PLG: variants seen among roughly 807,000 people sequenced by gnomAD.
PLG encodes the protein plasminogen.
A neutral mutation model predicts 104.4 loss-of-function variants in PLG; 41 were observed. That is an observed-to-expected ratio of 0.39 (90% CI 0.31 to 0.51). The LOEUF (loss-of-function observed/expected upper bound fraction) is 0.51. Among genes scored for constraint, PLG ranks in the 20% least tolerant of loss-of-function variants. PLG has a pLI of 0.76. For missense variants in PLG, 891 were observed against 1,003.6 expected, an observed-to-expected ratio of 0.89 and a Z score of 1.52; for synonymous variants, 337 against 357.1, an observed-to-expected ratio of 0.94 and a Z score of 0.63.
rs992540894 is a variant in PLG, at chr6:160,718,967, T to C, written c.1096+129T>C. 5 of 818,014 alleles carry C rather than the reference T, an allele frequency of 6.1e-6. No individual in the cohort carries two copies. The African/African-American group carries it at 6.9e-5, about 11-fold the overall frequency. The allele number at this position is 818,014 out of a possible 1,614,324, so 50.7% of individuals were successfully genotyped here. ...ATTGTGGTCAGAAAGCCTGCCCTTA[T>C]GATTTCAGTTTTTTTAGATTTGTTG... On this transcript the variant is annotated intron_variant, in intron 9 of 18. Coordinates refer to ENST00000308192, the MANE Select transcript of PLG (RefSeq NM_000301.5).
chr6:160,741,053 A>G lies in PLG; in HGVS notation c.2019-258A>G, dbSNP rs185374645. The stretch of plus-strand genomic sequence containing the variant: ...TGAGAAGTGCGCCTTTGTCATCCCT[A>G]CTTTCAAAGGTGAAGGCCACCAGCA... On this transcript the variant is annotated intron_variant, in intron 16 of 18. Coordinates refer to ENST00000308192, the MANE Select transcript of PLG (RefSeq NM_000301.5). The surrounding 1 kb of genome is among the most constrained non-coding windows in gnomAD (Gnocchi z 4.7). 1.2e-3 allele frequency among the ~76,000 whole-genome samples: 188 copies of G among 152,296 alleles called. No individual in the cohort carries two copies. Among genetic ancestry groups the G allele is most frequent in the African/African-American group, 4.5e-3 (186 of 41,568 alleles).
intron 7 of PLG, among the ~76,000 whole-genome samples, chr6:160,717,387 T>C (rs1402558979): frequency 6.6e-6 from 1 of 152,242 alleles, no homozygotes; most frequent in Admixed American, 6.5e-5. Flanking sequence ...TGGCCTCCCC[T>C]CCTTTCCTCT....
intron 12 of PLG, 147 bp from the exon 13 acceptor site, chr6:160,733,846 GAA>G (rs10540264): frequency 6.3e-3 from 2,179 of 346,766 alleles, no homozygotes; most frequent in Middle Eastern, 0.013. Flanking sequence ...CTCCACCTCA[GAA>G]AAAAAAAAAA....
rs1313924049 is a variant in PLG, at chr6:160,739,282, G to A, written c.2018+74G>A. 4.5e-5 allele frequency: 72 copies of A among 1,592,630 alleles called. 1 individual carries two copies. The highest frequency in any genetic ancestry group is 7.8e-6 in the Non-Finnish European group (9 of 1,160,952). ...TTTATGTCTGGGTTTTATGGGCCAT[G>A]GCCACTGCATGGCAGTGGGGAGGAA... On this transcript the variant is annotated intron_variant, in intron 16 of 18. Coordinates refer to ENST00000308192, the MANE Select transcript of PLG (RefSeq NM_000301.5). The surrounding 1 kb of genome is among the most constrained non-coding windows in gnomAD (Gnocchi z 4.4).
chr6:160,705,805 A>G (rs1399409686), intron 1 of PLG: 4 of 152,878 alleles, frequency 2.6e-5, no homozygotes, highest in African/African-American at 9.7e-5. Flanking sequence ...ATCAACATCA[A>G]TCTTGGTAAC....
rs146910079 is a variant in PLG, at chr6:160,716,714, C to A, written c.738C>A (p.Phe246Leu). 2.2e-5 allele frequency: 36 copies of A among 1,613,360 alleles called. No homozygotes were observed. Among genetic ancestry groups the A allele is most frequent in the Non-Finnish European group, 2.7e-5 (32 of 1,179,410 alleles). Residue 246 changes from phenylalanine (F) to leucine (L), a missense_variant, in exon 7 of 19, where the codon TTC (phenylalanine) becomes TTA (leucine). Coordinates refer to ENST00000308192, the MANE Select transcript of PLG (RefSeq NM_000301.5). ...ATAGGGAGCTGCGGCCTTGGTGTTT[C>A]ACCACCGACCCCAACAAGCGCTGGG... ...NPDRELRPWC[F>L]TTDPNKRWEL...
At position 160,741,393 on chromosome 6, in the gene PLG, A is replaced by G. The variant is rs963203064; in HGVS notation, c.2101A>G (p.Ile701Val). The change falls in exon 17 of 19, where the codon ATC becomes GTC. Residue 701 changes from isoleucine to valine, a missense_variant. By Grantham distance (29) the Ile-to-Val change is conservative. Transcript: ENST00000308192. This position sits in a 1 kb window ranked among gnomAD's most constrained non-coding sequence, Gnocchi z 4.7. The stretch of plus-strand genomic sequence containing the variant: ...GGTCGCTGACCGGACCGAATGTTTC[A>G]TCACTGGCTGGGGAGAAACCCAAGG... The part of the protein sequence containing the change: ...YVVADRTECF[I>V]TGWGETQGTF... 3.7e-6 allele frequency: 6 copies of G among 1,611,986 alleles called. No homozygotes were observed. In the Admixed American group the frequency reaches 6.7e-5, roughly 18 times the overall value.
intron 10 of PLG, among the ~76,000 whole-genome samples, chr6:160,730,033 A>G (rs866613317): frequency 2.0e-5 from 3 of 152,300 alleles, no homozygotes; most frequent in Middle Eastern, 3.4e-3. Context: ...ACAATGTTGC[A>G]TTCCCATGGT....
chr6:160,702,297 G>A lies in PLG; in HGVS notation c.-8G>A, dbSNP rs374037660. 1.2e-5 allele frequency: 19 copies of A among 1,609,968 alleles called. No individual in the cohort carries two copies. Among genetic ancestry groups the A allele is most frequent in the Non-Finnish European group, 1.6e-5 (19 of 1,179,720 alleles). On this transcript the variant is annotated 5_prime_UTR_variant, in exon 1 of 19. Transcript: ENST00000308192. ...CCCACTTTCTGGGCACTGCTGGCCA[G>A]TCCCAAAATGGAACATAAGGAAGTG...
chr6:160,708,780 C>G (rs1199663122), intron 3 of PLG, among the ~76,000 whole-genome samples: 2 of 152,116 alleles, frequency 1.3e-5, no homozygotes, highest in Non-Finnish European at 2.9e-5. Context: ...GGAATTATTT[C>G]TATGCATTGA....
intron 5 of PLG, 87 bp downstream of exon 5, chr6:160,713,212 A>C (rs1442083358): frequency 2.9e-6 from 3 of 1,027,490 alleles, no homozygotes; most frequent in Non-Finnish European, 3.1e-6. Flanking sequence ...CAGGGATGTT[A>C]TTAATAATTG....
In PLG at chr6:160,724,458, T is replaced by C. The variant is rs1338124459; in HGVS notation, c.1256+1891T>C. On this transcript the variant is annotated intron_variant, in intron 10 of 18. Transcript: ENST00000308192. The surrounding 1 kb of genome is among the most constrained non-coding windows in gnomAD (Gnocchi z 5.0). Reference sequence around the variant, plus strand: ...ACTGAAAAGATAAAGAAACAGAGCCTCAAGAATATCTATGAAAATATCAAA... The same window carrying C: ...ACTGAAAAGATAAAGAAACAGAGCCCCAAGAATATCTATGAAAATATCAAA... 2.0e-5 allele frequency among the ~76,000 whole-genome samples: 3 copies of C among 151,982 alleles called. No individual in the cohort carries two copies. Among genetic ancestry groups the C allele is most frequent in the Non-Finnish European group, 4.4e-5 (3 of 67,982 alleles).
rs549587754 is a variant in PLG, at chr6:160,719,915, T to A, written c.1096+1077T>A. Among the ~76,000 whole-genome samples, 1 of 152,324 alleles carries A rather than the reference T, an allele frequency of 6.6e-6. No homozygotes were observed. Among genetic ancestry groups the A allele is most frequent in the East Asian group, 1.9e-4 (1 of 5,194 alleles). ...TAAAGTGATCAAGAATAAAACTATT[T>A]TAAATATTTTCTTTATTTATTTATT... On this transcript the variant is annotated intron_variant, in intron 9 of 18. Coordinates refer to ENST00000308192, the MANE Select transcript of PLG (RefSeq NM_000301.5). This position sits in a 1 kb window ranked among gnomAD's most constrained non-coding sequence, Gnocchi z 4.1.
intron 12 of PLG, among the ~76,000 whole-genome samples, chr6:160,733,403 G>A (rs1272730556): frequency 6.6e-6 from 1 of 152,150 alleles, no homozygotes; most frequent in South Asian, 2.1e-4. Context: ...CCTGAAGGGA[G>A]ACCCATTCTC....
intron 10 of PLG, among the ~76,000 whole-genome samples, chr6:160,727,414 T>A (rs1777936724): frequency 3.5e-5 from 5 of 143,274 alleles, no homozygotes; most frequent in African/African-American, 5.1e-5. Context: ...TTACAGAAAA[T>A]AGAGGAGAAG....
In PLG at chr6:160,736,380, A is replaced by G. The variant is rs573063144; in HGVS notation, c.1682-507A>G. ...AGGACAGTAATCCTTGCTACATACA[A>G]TCACATACACACACACACACACGTG... On this transcript the variant is annotated intron_variant, in intron 13 of 18. Transcript: ENST00000308192. The surrounding 1 kb of genome is among the most constrained non-coding windows in gnomAD (Gnocchi z 5.2). Among the ~76,000 whole-genome samples, 18 of 151,996 alleles carry G rather than the reference A, an allele frequency of 1.2e-4. No homozygotes were observed. The highest frequency in any genetic ancestry group is 4.4e-4 in the African/African-American group (18 of 41,276).
At chr6:160,712,941 G>A in intron 4 of PLG, 45 bp from the exon 5 acceptor site, 2 of 1,546,220 alleles carry the variant, frequency 1.3e-6, no homozygotes, top group Non-Finnish European at 1.8e-6. Flanking sequence ...ATAGCAAGCT[G>A]ATTTTTAGAA....
chr6:160,752,203 A>G lies in PLG; in HGVS notation c.2214A>G (p.Arg738=). The G allele has an allele frequency of 2.5e-6, 4 of 1,613,746 alleles. No homozygotes were observed. Among genetic ancestry groups the G allele is most frequent in the Non-Finnish European group, 2.5e-6 (3 of 1,179,618 alleles). The change falls in exon 18 of 19, where the codon AGA becomes AGG. Residue 738 remains arginine, a synonymous_variant. Transcript: ENST00000308192. This position sits in a 1 kb window ranked among gnomAD's most constrained non-coding sequence, Gnocchi z 4.7. Reference sequence around the variant, plus strand: ...ATCGCTATGAGTTTCTGAATGGAAGAGTCCAATCCACCGAACTCTGTGCTG... The same window carrying G: ...ATCGCTATGAGTTTCTGAATGGAAGGGTCCAATCCACCGAACTCTGTGCTG... The part of the protein sequence containing the change: ...VCNRYEFLNG[R]VQSTELCAGH...
rs1778324020 is a variant in PLG, at chr6:160,748,392, GAAAGAAAGGAAGAAAGAAAGAAAGGGAAA to G, written c.2126-3722_2126-3694del. 4.4e-5 allele frequency among the ~76,000 whole-genome samples: 2 copies of G among 45,512 alleles called. 1 individual carries two copies. The highest frequency in any genetic ancestry group is 1.5e-4 in the African/African-American group (2 of 13,584). The allele number at this position is 45,512 out of a possible 152,430, so 29.9% of individuals were successfully genotyped here. On this transcript the variant is annotated intron_variant, in intron 17 of 18. Coordinates refer to ENST00000308192, the MANE Select transcript of PLG (RefSeq NM_000301.5). Reference sequence around the variant, plus strand: ...AGAAAGAAAGAAAGAAAGAAAGAAAGAAAGAAAGGAAGAAAGAAAGAAAGGGAAAGAAAGAGAACGAAAGAAAGAAGGGA... The same window carrying G: ...AGAAAGAAAGAAAGAAAGAAAGAAAGGAAAGAGAACGAAAGAAAGAAGGGA...
Sources: gnomAD v4.1 joint callset for allele counts (sites outside exome capture counted in the v4.1 genomes callset) on GRCh38, gnomAD v4.1.1 for gene constraint, Gnocchi (gnomAD v3.1) non-coding constraint, MANE v1.5 for transcripts, NCBI Gene and HGNC (gene_info 2026-07-23, HGNC 2026-07-21) for gene names.